F13A1: variants seen among roughly 807,000 people sequenced by gnomAD.
F13A1 encodes the protein FSF, A subunit.
A neutral mutation model predicts 80.1 loss-of-function variants in F13A1; 47 were observed. The observed-to-expected ratio is 0.59, with a 90% CI of 0.46 to 0.75. The LOEUF (loss-of-function observed/expected upper bound fraction) is 0.75, where lower values mean the gene tolerates loss of function less well. F13A1 is among the 30% of genes least tolerant of loss of function. The pLI is 0.00. For synonymous variants in F13A1, 349 were observed against 344.9 expected, an observed-to-expected ratio of 1.01 and a Z score of -0.13; for missense variants, 817 against 930.4, an observed-to-expected ratio of 0.88 and a Z score of 1.59.
chr6:6,151,951 TAA>T lies in F13A1; in HGVS notation c.1909-4_1909-3del. On this transcript the variant is annotated splice_region_variant and splice_polypyrimidine_tract_variant and intron_variant, in intron 13 of 14. Transcript: ENST00000264870. ...ACCAACTACCTGAGTGCCACGGACC[TAA>T]GAGAGAGAATGCAGGTCATTAGCAC... 1 of 1,613,968 alleles carries T rather than the reference TAA, an allele frequency of 6.2e-7. No individual in the cohort carries two copies. The highest frequency in any genetic ancestry group is 8.5e-7 in the Non-Finnish European group (1 of 1,179,902).
intron 4 of F13A1, among the ~76,000 whole-genome samples, chr6:6,264,360 AG>A (rs1379201959): frequency 2.0e-5 from 3 of 152,230 alleles, no homozygotes; most frequent in African/African-American, 7.2e-5. Context: ...TATGTAGCCT[AG>A]GATTTTCTTT....
chr6:6,205,833 A>G (rs1248419720), intron 8 of F13A1, among the ~76,000 whole-genome samples: 2 of 151,476 alleles, frequency 1.3e-5, no homozygotes, highest in East Asian at 3.9e-4. Context: ...AATTAAAATT[A>G]AAAATTTTCA....
chr6:6,260,676 G>C (rs536117520), intron 4 of F13A1, among the ~76,000 whole-genome samples: 5 of 152,122 alleles, frequency 3.3e-5, no homozygotes, highest in Non-Finnish European at 7.3e-5. Flanking sequence ...AATAAGTGGG[G>C]AGATGAACTC....
rs189144313 is a variant in F13A1, at chr6:6,208,334, T to A, written c.1113-11008A>T. The stretch of plus-strand genomic sequence containing the variant: ...CTTGAAGGTAGGCCAATTGAAATTA[T>A]CCAATTTGAATAACAGAAGCAAAAA... On this transcript the variant is annotated intron_variant, in intron 8 of 14. Transcript: ENST00000264870. 6.6e-5 allele frequency among the ~76,000 whole-genome samples: 10 copies of A among 152,258 alleles called. No individual in the cohort carries two copies. The East Asian group carries it at 1.9e-3, about 29-fold the overall frequency.
chr6:6,295,207 G>A (rs1329761308), intron 3 of F13A1, among the ~76,000 whole-genome samples: 4 of 145,810 alleles, frequency 2.7e-5, no homozygotes, highest in South Asian at 2.1e-4. Context: ...ATAAACATAC[G>A]TGTGCATGTG....
chr6:6,310,393 C>T (rs922492502), intron 2 of F13A1, among the ~76,000 whole-genome samples: 1 of 152,158 alleles, frequency 6.6e-6, no homozygotes, highest in Non-Finnish European at 1.5e-5. Flanking sequence ...TATTGTGCAG[C>T]CTCAGAAAAG....
intron 4 of F13A1, among the ~76,000 whole-genome samples, chr6:6,263,615 T>C (rs955836071): frequency 6.6e-6 from 1 of 152,240 alleles, no homozygotes; most frequent in Non-Finnish European, 1.5e-5. Flanking sequence ...ATTCACTTTA[T>C]TCAAGTGCTT....
At chr6:6,249,046 T>C (rs1757594113) in intron 5 of F13A1, among the ~76,000 whole-genome samples, 1 of 152,206 alleles carries the variant, frequency 6.6e-6, no homozygotes, top group Admixed American at 6.5e-5. Context: ...TCAGTCTTCT[T>C]AGAAAGAACT....
chr6:6,300,440 C>T (rs1044115216), intron 3 of F13A1, among the ~76,000 whole-genome samples: 13 of 151,894 alleles, frequency 8.6e-5, no homozygotes, highest in Non-Finnish European at 1.6e-4. Flanking sequence ...GATATAATCT[C>T]CTGATGCGCC....
At chr6:6,148,637 T>C (rs1176088714) in intron 14 of F13A1, among the ~76,000 whole-genome samples, 1 of 152,114 alleles carries the variant, frequency 6.6e-6, no homozygotes, top group Non-Finnish European at 1.5e-5. Context: ...TATCTGACCA[T>C]ATGGAAGTGG....
At chr6:6,255,866 G>A (rs745895943) in intron 4 of F13A1, among the ~76,000 whole-genome samples, 13 of 152,040 alleles carry the variant, frequency 8.6e-5, no homozygotes, top group Non-Finnish European at 1.8e-4. Flanking sequence ...AGGGTGGAAA[G>A]CAGTGCTTTA....
At chr6:6,167,909 T>A (rs1760706236) in intron 12 of F13A1, among the ~76,000 whole-genome samples, 1 of 152,188 alleles carries the variant, frequency 6.6e-6, no homozygotes, top group Non-Finnish European at 1.5e-5. Context: ...AAAGATGTGA[T>A]TTTCATGGCA....
intron 3 of F13A1, among the ~76,000 whole-genome samples, chr6:6,294,541 C>CATATAT (rs558563187): frequency 6.7e-6 from 1 of 149,864 alleles, no homozygotes; most frequent in Non-Finnish European, 1.5e-5. Flanking sequence ...CACACACACA[C>CATATAT]ATATATATAT....
chr6:6,205,471 T>G (rs1485527086), intron 8 of F13A1, among the ~76,000 whole-genome samples: 4 of 152,238 alleles, frequency 2.6e-5, no homozygotes, highest in Non-Finnish European at 5.9e-5. Context: ...ACATACACAC[T>G]ACAGGAGTAC....
rs370994159 is a variant in F13A1 at position 6,318,519 on chromosome 6, G to T, written c.130+16C>A. ...GCCTGGACCCAGAGTGGTGGGGAAG[G>T]GGGGTATGCTCATACCTTGCAGGTT... On this transcript the variant is annotated intron_variant, in intron 2 of 14. Coordinates refer to ENST00000264870, the MANE Select transcript of F13A1 (RefSeq NM_000129.4). The T allele has an allele frequency of 2.5e-6, 4 of 1,608,324 alleles. No individual in the cohort carries two copies. In the African/African-American group the frequency reaches 4.0e-5, roughly 16 times the overall value.
chr6:6,171,173 C>T (rs1017311760), intron 12 of F13A1, among the ~76,000 whole-genome samples: 2 of 152,180 alleles, frequency 1.3e-5, no homozygotes, highest in Non-Finnish European at 2.9e-5. Context: ...AGGATCTGTG[C>T]TAGACTCCAG....
At chr6:6,269,664 A>G (rs968865735) in intron 3 of F13A1, among the ~76,000 whole-genome samples, 19 of 151,592 alleles carry the variant, frequency 1.3e-4, no homozygotes, top group African/African-American at 4.4e-4. Flanking sequence ...TTAGAAAACT[A>G]TAGTCTGCGG....
At chr6:6,173,419 T>G (rs1334185505) in intron 12 of F13A1, among the ~76,000 whole-genome samples, 1 of 136,988 alleles carries the variant, frequency 7.3e-6, no homozygotes, top group Non-Finnish European at 1.6e-5. Flanking sequence ...CTTTTTTTTT[T>G]TTTTTTGAGA....
intron 13 of F13A1, among the ~76,000 whole-genome samples, chr6:6,152,379 C>T (rs1167572162): frequency 4.6e-5 from 7 of 152,164 alleles, no homozygotes; most frequent in Admixed American, 1.3e-4. Context: ...CATGTGCCTT[C>T]TTAGTTTTAG....
Sources: allele counts gnomAD v4.1 joint callset (sites outside exome capture counted in the v4.1 genomes callset), GRCh38; gene constraint gnomAD v4.1.1; transcripts MANE v1.5; gene names NCBI Gene and HGNC (gene_info 2026-07-23, HGNC 2026-07-21).